Variants in OPCML observed in about 807,000 individuals in gnomAD.
OPCML encodes opioid binding protein/cell adhesion molecule like.
A neutral mutation model predicts 37.8 loss-of-function variants in OPCML; 13 were observed. The observed-to-expected ratio is 0.34, with a 90% CI of 0.22 to 0.55. The LOEUF (loss-of-function observed/expected upper bound fraction) is 0.55. OPCML is among the 20% of genes least tolerant of loss of function. The probability of loss-of-function intolerance (pLI) is 0.91; values close to 1 mark genes in which losing one functional copy is unlikely to be tolerated. For missense variants in OPCML, 341 were observed against 435.6 expected (o/e 0.78, Z 1.93); for synonymous variants, 176 against 168.8 (o/e 1.04, Z -0.33).
chr11:133,262,081 T>A (rs1941512693), intron 1 of OPCML, among the ~76,000 whole-genome samples: 1 of 152,206 alleles, frequency 6.6e-6, no homozygotes, highest in Non-Finnish European at 1.5e-5. Context: ...TTACTTTTAG[T>A]TGACAAATAA....
At chr11:133,469,312 T>C (rs7131115) in intron 1 of OPCML, among the ~76,000 whole-genome samples, 43,499 of 152,116 alleles carry the variant, frequency 0.29, 7,737 homozygotes, top group African/African-American at 0.51. Context: ...AAATCCTTAG[T>C]ACTGTGTTCC....
At chr11:132,811,968 C>T (rs1939372814) in intron 2 of OPCML, among the ~76,000 whole-genome samples, 1 of 152,136 alleles carries the variant, frequency 6.6e-6, no homozygotes, top group South Asian at 2.1e-4. Flanking sequence ...GTGATGTGGT[C>T]ATCTCTTGTA....
intron 3 of OPCML, among the ~76,000 whole-genome samples, chr11:132,609,660 C>A (rs2137834141): frequency 6.6e-6 from 1 of 152,308 alleles, no homozygotes; most frequent in East Asian, 1.9e-4. Flanking sequence ...GCCACCCATC[C>A]AGGAAAGCTT....
chr11:133,224,640 A>G (rs1055599359), intron 1 of OPCML, among the ~76,000 whole-genome samples: 26 of 152,230 alleles, frequency 1.7e-4, no homozygotes, highest in African/African-American at 6.0e-4. Context: ...TTCCTTCCCC[A>G]GGCCTGTGGT....
intron 4 of OPCML, among the ~76,000 whole-genome samples, chr11:132,464,860 C>A (rs1469469953): frequency 6.6e-6 from 1 of 152,142 alleles, no homozygotes; most frequent in Non-Finnish European, 1.5e-5. Flanking sequence ...GTGAAAGTAG[C>A]TCCTACTCAT....
chr11:132,486,135 G>T (rs577636140), intron 4 of OPCML, among the ~76,000 whole-genome samples: 17 of 152,240 alleles, frequency 1.1e-4, no homozygotes, highest in African/African-American at 3.6e-4. Context: ...TAAAAGCTTG[G>T]TCCTCAAATC....
chr11:133,126,671 G>C (rs567643470), intron 1 of OPCML, among the ~76,000 whole-genome samples: 1 of 152,180 alleles, frequency 6.6e-6, no homozygotes, highest in Non-Finnish European at 1.5e-5. Context: ...CATATAAGCA[G>C]CCACTATTGA....
chr11:132,490,798 G>A (rs112900082), intron 4 of OPCML, among the ~76,000 whole-genome samples: 3,210 of 148,686 alleles, frequency 0.022, 116 homozygotes, highest in African/African-American at 0.074. Context: ...GTGACAGAGC[G>A]AGACTCTATC....
At chr11:133,034,308 GGTGTGT>G (rs71038514) in intron 1 of OPCML, among the ~76,000 whole-genome samples, 12 of 143,534 alleles carry the variant, frequency 8.4e-5, no homozygotes, top group Admixed American at 1.4e-4. Context: ...TGTATGTATA[GGTGTGT>G]GTGTGTGTGT....
Position 132,419,430 on chromosome 11 carries a change from C to T in OPCML, c.*763G>A, listed in dbSNP as rs117976268. The T allele has an allele frequency of 1.1e-4, 16 of 152,300 alleles. No individual in the cohort carries two copies. The highest frequency in any genetic ancestry group is 2.2e-4 in the Non-Finnish European group (15 of 68,022). The allele number at this position is 152,300 out of a possible 1,614,324, so 9.4% of individuals were successfully genotyped here. A position where few individuals can be genotyped will look rare whatever the true frequency, so the allele number is the denominator to read the frequency against. ...AAATAAATCAGCCACCTATCAATCA[C>T]GTTTATGAGTTGAACTTCTCTTTTT... On this transcript the variant is annotated 3_prime_UTR_variant, in exon 8 of 8. Coordinates refer to ENST00000524381, the MANE Select transcript of OPCML (RefSeq NM_001012393.5).
intron 7 of OPCML, among the ~76,000 whole-genome samples, chr11:132,422,917 C>T (rs2095964906): frequency 6.6e-6 from 1 of 152,238 alleles, no homozygotes; most frequent in Non-Finnish European, 1.5e-5. Context: ...GAATGTGCTG[C>T]ACCCTAGCTG....
chr11:132,544,050 A>G (rs1591530360), intron 3 of OPCML, among the ~76,000 whole-genome samples: 1 of 152,262 alleles, frequency 6.6e-6, no homozygotes, highest in East Asian at 1.9e-4. Context: ...CAAGTCTCAT[A>G]TTTTAGCATT....
intron 2 of OPCML, among the ~76,000 whole-genome samples, chr11:132,842,300 C>A (rs1262150355): frequency 6.6e-6 from 1 of 152,180 alleles, no homozygotes; most frequent in East Asian, 1.9e-4. Flanking sequence ...CATTATTAAT[C>A]CTTGCTAGAG....
intron 1 of OPCML, among the ~76,000 whole-genome samples, chr11:133,304,055 T>C (rs1167362471): frequency 6.6e-6 from 1 of 152,224 alleles, no homozygotes; most frequent in Non-Finnish European, 1.5e-5. Flanking sequence ...AATTGATAAA[T>C]TTGCGTACTG....
chr11:133,452,033 A>G (rs538293250), intron 1 of OPCML, among the ~76,000 whole-genome samples: 1 of 151,652 alleles, frequency 6.6e-6, no homozygotes, highest in Non-Finnish European at 1.5e-5. Context: ...AACAAAAATC[A>G]ATACATTCAG....
At chr11:132,858,696 G>T (rs1203485493) in intron 2 of OPCML, among the ~76,000 whole-genome samples, 1 of 152,126 alleles carries the variant, frequency 6.6e-6, no homozygotes, top group African/African-American at 2.4e-5. Context: ...CACAACATGG[G>T]TGATGAATTC....
At position 132,943,464 on chromosome 11, in the gene OPCML, G is replaced by T; in HGVS notation, c.62-454C>A. ...AGACGCTACTTTAAGATTCAGTTGG[G>T]CACGTTCTGCAGAGCTCTGGCATCA... is the stretch of plus-strand genomic sequence containing the variant. On this transcript the variant is annotated intron_variant, in intron 1 of 7. Coordinates refer to ENST00000524381, the MANE Select transcript of OPCML (RefSeq NM_001012393.5). The surrounding 1 kb of genome is among the most constrained non-coding windows in gnomAD (Gnocchi z 4.3). 1 of 311,620 alleles carries T rather than the reference G, an allele frequency of 3.2e-6. No homozygotes were observed. The highest frequency in any genetic ancestry group is 6.2e-6 in the Non-Finnish European group (1 of 162,316). 19.3% of individuals were successfully genotyped at this position (311,620 alleles called of 1,614,324 possible).
chr11:133,423,057 T>C, intron 1 of OPCML: 1 of 985,400 alleles, frequency 1.0e-6, no homozygotes, highest in Non-Finnish European at 1.2e-6. Context: ...TTACTTCCTT[T>C]AGATTTCAAC....
At chr11:132,823,224 A>G (rs547279368) in intron 2 of OPCML, among the ~76,000 whole-genome samples, 1 of 152,100 alleles carries the variant, frequency 6.6e-6, no homozygotes, top group East Asian at 1.9e-4. Flanking sequence ...AGCTTCCTCA[A>G]ATCTGCACAC....
Sources: gnomAD v4.1 joint callset for allele counts (sites outside exome capture counted in the v4.1 genomes callset) on GRCh38, gnomAD v4.1.1 for gene constraint, Gnocchi (gnomAD v3.1) non-coding constraint, MANE v1.5 for transcripts, NCBI Gene and HGNC (gene_info 2026-07-23, HGNC 2026-07-21) for gene names.